The following KLHDC1 variants were observed in gnomAD, a reference collection of about 807,000 sequenced individuals.
KLHDC1 encodes the protein kelch domain containing 1, also known as kelch domain-containing protein 1.
KLHDC1 carries 53 observed loss-of-function variants against 68.3 expected under a neutral mutation model. The observed-to-expected ratio is 0.78, with a 90% CI of 0.62 to 0.98. The LOEUF (loss-of-function observed/expected upper bound fraction) is 0.98, where lower values mean the gene tolerates loss of function less well. Among genes scored for constraint, KLHDC1 ranks in the 50% least tolerant of loss-of-function variants. The probability of loss-of-function intolerance (pLI) is 0.00; values close to 1 mark genes in which losing one functional copy is unlikely to be tolerated. For synonymous variants in KLHDC1, 148 were observed against 159.0 expected (o/e 0.93, Z 0.52); for missense variants, 470 against 492.3 (o/e 0.95, Z 0.43).
At chr14:49,736,488 A>G (rs1043254092) in intron 10 of KLHDC1, among the ~76,000 whole-genome samples, 20 of 152,296 alleles carry the variant, frequency 1.3e-4, no homozygotes, top group African/African-American at 4.6e-4. Flanking sequence ...ATCTACAGGT[A>G]TGAGGTGAGG....
At chr14:49,734,409 G>A (rs1438122320) in intron 9 of KLHDC1, among the ~76,000 whole-genome samples, 180 bp from the exon 10 acceptor site, 4 of 152,138 alleles carry the variant, frequency 2.6e-5, no homozygotes, top group East Asian at 1.9e-4. Context: ...TTGAATCTGC[G>A]ATATATGGAA....
chr14:49,699,421 TAAA>T (rs75035029), intron 1 of KLHDC1, among the ~76,000 whole-genome samples: 2 of 136,226 alleles, frequency 1.5e-5, no homozygotes, highest in African/African-American at 2.7e-5. Flanking sequence ...GTATAGGCTT[TAAA>T]AAAAAAAAAA....
In KLHDC1 at chr14:49,693,448, G is replaced by C. The variant is rs1485557941; in HGVS notation, c.96+158G>C. Among the ~76,000 whole-genome samples, 4 of 151,930 alleles carry C rather than the reference G, an allele frequency of 2.6e-5. No individual in the cohort carries two copies. The East Asian group carries it at 7.8e-4, about 30-fold the overall frequency. ...CCCTCCGCTGGCCGCCGCCCCCACA[G>C]CCGCGCCAGGGCTTGACGTCGTCCC... On this transcript the variant is annotated intron_variant, in intron 1 of 12. Transcript: ENST00000359332.
chr14:49,742,360 G>A (rs1288433528), intron 11 of KLHDC1, among the ~76,000 whole-genome samples: 1 of 152,182 alleles, frequency 6.6e-6, no homozygotes, highest in Non-Finnish European at 1.5e-5. Flanking sequence ...TCCAGATCTT[G>A]ACTTTCAAAT....
intron 4 of KLHDC1, among the ~76,000 whole-genome samples, chr14:49,717,872 T>C (rs1888420501): frequency 6.6e-6 from 1 of 152,150 alleles, no homozygotes; most frequent in South Asian, 2.1e-4. Flanking sequence ...CTATTTTTTC[T>C]TGAGATATAA....
chr14:49,732,718 G>A lies in KLHDC1; in HGVS notation c.725G>A (p.Gly242Glu), dbSNP rs746045880. The change falls in exon 9 of 13, where the codon GGA becomes GAA. Residue 242 changes from glycine (G) to glutamate (E), a missense_variant. Gly to Glu is a moderately conservative substitution (Grantham distance 98). Coordinates refer to ENST00000359332, the MANE Select transcript of KLHDC1 (RefSeq NM_172193.3). Reference protein sequence around the residue: ...WTWSGRITINGESPKHRSWHT... With the variant: ...WTWSGRITINEESPKHRSWHT... ...CCTTGCCACAGGATTACTATTAATG[G>A]AGAAAGCCCAAAACATCGGTCATGG... 6.3e-7 allele frequency: 1 copy of A among 1,587,248 alleles called. No homozygotes were observed. The highest frequency in any genetic ancestry group is 8.6e-7 in the Non-Finnish European group (1 of 1,156,528).
At chr14:49,709,872 A>C in intron 3 of KLHDC1, 46 bp downstream of exon 3, 3 of 903,140 alleles carry the variant, frequency 3.3e-6, no homozygotes, top group Non-Finnish European at 5.1e-6. Context: ...GTAATATTTA[A>C]TGCATCATTT....
intron 12 of KLHDC1, among the ~76,000 whole-genome samples, chr14:49,747,771 C>G (rs992926936): frequency 1.3e-5 from 2 of 152,090 alleles, no homozygotes; most frequent in African/African-American, 4.8e-5. Context: ...TAGCACGCAG[C>G]TGAGGTAGAA....
chr14:49,752,357 TA>T lies in KLHDC1; in HGVS notation c.*586del, dbSNP rs1889337262. ...CATCATCATAACTTTTCCTCACCTT[TA>T]TTCGAATAGAGGAATAAATGTCTTC... On this transcript the variant is annotated 3_prime_UTR_variant, in exon 13 of 13. Coordinates refer to ENST00000359332, the MANE Select transcript of KLHDC1 (RefSeq NM_172193.3). 6.6e-6 allele frequency: 1 copy of T among 152,524 alleles called. No homozygotes were observed. The highest frequency in any genetic ancestry group is 2.4e-5 in the African/African-American group (1 of 41,440). The allele number at this position is 152,524 out of a possible 1,614,324, so 9.4% of individuals were successfully genotyped here. A position where few individuals can be genotyped will look rare whatever the true frequency, so the allele number is the denominator to read the frequency against.
chr14:49,706,605 A>G (rs988542908), intron 1 of KLHDC1, among the ~76,000 whole-genome samples: 5 of 152,208 alleles, frequency 3.3e-5, no homozygotes, highest in Non-Finnish European at 7.3e-5. Context: ...CCAACAGTGT[A>G]TGAGAGTTCC....
At chr14:49,737,144 T>G (rs1888947769) in intron 10 of KLHDC1, among the ~76,000 whole-genome samples, 1 of 152,214 alleles carries the variant, frequency 6.6e-6, no homozygotes, top group Non-Finnish European at 1.5e-5. Flanking sequence ...TTCCCATGTA[T>G]GAGGGCATTT....
intron 4 of KLHDC1, among the ~76,000 whole-genome samples, chr14:49,710,700 A>T (rs967138257): frequency 6.6e-6 from 1 of 152,130 alleles, no homozygotes. Context: ...TAGCCTCTTC[A>T]TCCCTCTCTC....
intron 10 of KLHDC1, among the ~76,000 whole-genome samples, chr14:49,738,740 C>T (rs2139764267): frequency 1.3e-5 from 2 of 152,302 alleles, no homozygotes; most frequent in African/African-American, 4.8e-5. Context: ...AAATTAGATT[C>T]CCCAGGTTCC....
intron 4 of KLHDC1, among the ~76,000 whole-genome samples, chr14:49,720,482 C>CT (rs879637820): frequency 1.5e-4 from 23 of 149,168 alleles, no homozygotes; most frequent in South Asian, 4.2e-4. Flanking sequence ...CTGTATGTGT[C>CT]TTTTTTTTTT....
At chr14:49,721,888 G>C (rs1403271219) in intron 4 of KLHDC1, among the ~76,000 whole-genome samples, 1 of 152,208 alleles carries the variant, frequency 6.6e-6, no homozygotes, top group South Asian at 2.1e-4. Flanking sequence ...CTCCTCCCCT[G>C]GCCTTTGGAG....
intron 8 of KLHDC1, among the ~76,000 whole-genome samples, chr14:49,731,867 GA>G (rs1275440922): frequency 1.3e-5 from 2 of 151,968 alleles, no homozygotes; most frequent in Admixed American, 1.3e-4. Context: ...TTATTTTTTT[GA>G]GAAATCCTTA....
At chr14:49,737,074 G>T (rs756035628) in intron 10 of KLHDC1, among the ~76,000 whole-genome samples, 1 of 152,160 alleles carries the variant, frequency 6.6e-6, no homozygotes, top group Admixed American at 6.5e-5. Flanking sequence ...AGTACTGTTG[G>T]ATCTCGTGAG....
In KLHDC1 at chr14:49,732,688, T is replaced by G; in HGVS notation, c.711-16T>G. The G allele has an allele frequency of 7.6e-7, 1 of 1,311,422 alleles. No homozygotes were observed. The highest frequency in any genetic ancestry group is 1.1e-6 in the Non-Finnish European group (1 of 911,000). 81.2% of individuals were successfully genotyped at this position (1,311,422 alleles called of 1,614,324 possible). On this transcript the variant is annotated splice_polypyrimidine_tract_variant and intron_variant, in intron 8 of 12. Coordinates refer to ENST00000359332, the MANE Select transcript of KLHDC1 (RefSeq NM_172193.3). Reference sequence around the variant, plus strand: ...ATTAATATAGTACCTAGACTTTCTTTTTCTCCTTGCCACAGGATTACTATT... The same window carrying G: ...ATTAATATAGTACCTAGACTTTCTTGTTCTCCTTGCCACAGGATTACTATT...
chr14:49,743,272 C>T lies in KLHDC1; in HGVS notation c.982-481C>T, dbSNP rs377234431. ...AAAATTAGCAGAGCATGGTAGTGGG[C>T]GCCTGTAATTCCAGCTACTCAGGAG... is the stretch of plus-strand genomic sequence containing the variant. On this transcript the variant is annotated intron_variant, in intron 11 of 12. Transcript: ENST00000359332. Among the ~76,000 whole-genome samples the T allele has an allele frequency of 1.8e-4, 27 of 150,780 alleles. No homozygotes were observed. The East Asian group carries it at 4.7e-3, about 26-fold the overall frequency.
Sources: allele counts gnomAD v4.1 joint callset (sites outside exome capture counted in the v4.1 genomes callset), GRCh38; gene constraint gnomAD v4.1.1; transcripts MANE v1.5; gene names NCBI Gene and HGNC (gene_info 2026-07-23, HGNC 2026-07-21).